The following LPP variants were observed in gnomAD, a reference collection of about 807,000 sequenced individuals.
LPP encodes lipoma-preferred partner.
LPP carries 38 observed loss-of-function variants against 60.4 expected under a neutral mutation model. The observed-to-expected ratio is 0.63, with a 90% confidence interval of 0.49 to 0.83. LPP has a LOEUF of 0.83. Ranked by LOEUF, LPP falls within the 40% of genes least tolerant of loss-of-function variation. LPP has a pLI of 0.00. For missense variants in LPP, 902 were observed against 783.6 expected (o/e 1.15, Z -1.80); for synonymous variants, 328 against 290.8 (o/e 1.13, Z -1.30).
At chr3:188,348,260 C>T (rs1318916310) in intron 3 of LPP, among the ~76,000 whole-genome samples, 2 of 152,138 alleles carry the variant, frequency 1.3e-5, no homozygotes, top group African/African-American at 4.8e-5. Flanking sequence ...GATTCTCCTG[C>T]TTCAGCCTCT....
intron 4 of LPP, among the ~76,000 whole-genome samples, chr3:188,481,611 CT>C (rs1804791846): frequency 6.6e-6 from 1 of 152,136 alleles, no homozygotes; most frequent in Non-Finnish European, 1.5e-5. Context: ...GACAGTTGTA[CT>C]TTTTAAGACT....
chr3:188,475,931 T>C (rs1321732932), intron 4 of LPP, among the ~76,000 whole-genome samples: 3 of 152,036 alleles, frequency 2.0e-5, no homozygotes, highest in Admixed American at 2.0e-4. Context: ...AAAAAAGATA[T>C]GAAAAACAAT....
chr3:188,746,664 A>C (rs573798616), intron 8 of LPP: 1 of 407,556 alleles, frequency 2.5e-6, no homozygotes, highest in East Asian at 5.5e-5. Context: ...GTGGACTTAC[A>C]TGGTTTCTGG....
chr3:188,686,694 T>C (rs145276261), intron 7 of LPP, among the ~76,000 whole-genome samples: 1 of 152,270 alleles, frequency 6.6e-6, no homozygotes, highest in South Asian at 2.1e-4. Context: ...CAGCCAAGAC[T>C]AAGAATCTAT....
intron 7 of LPP, among the ~76,000 whole-genome samples, chr3:188,672,207 T>C (rs1324960763): frequency 6.6e-6 from 1 of 152,208 alleles, no homozygotes; most frequent in Non-Finnish European, 1.5e-5. Flanking sequence ...GTTTATAATC[T>C]TTCTTGATAC....
At chr3:188,521,607 A>G (rs1166605460) in intron 5 of LPP, among the ~76,000 whole-genome samples, 1 of 152,222 alleles carries the variant, frequency 6.6e-6, no homozygotes, top group East Asian at 1.9e-4. Context: ...TATTATTCAT[A>G]TTAATTTATA....
At chr3:188,423,801 T>C (rs1644536367) in intron 4 of LPP, among the ~76,000 whole-genome samples, 2 of 150,986 alleles carry the variant, frequency 1.3e-5, no homozygotes, top group South Asian at 4.2e-4. Flanking sequence ...GATGGCATTG[T>C]TTGTTTTTTT....
intron 2 of LPP, among the ~76,000 whole-genome samples, chr3:188,299,694 T>C (rs1009849352): frequency 6.6e-6 from 1 of 152,178 alleles, no homozygotes; most frequent in African/African-American, 2.4e-5. Context: ...AATAGGATGT[T>C]GGACCTTGGG....
intron 6 of LPP, among the ~76,000 whole-genome samples, chr3:188,566,959 T>G (rs1832319597): frequency 6.6e-6 from 1 of 151,892 alleles, no homozygotes. Context: ...TGCAAATTGG[T>G]CTGATACAAA....
intron 5 of LPP, among the ~76,000 whole-genome samples, chr3:188,512,045 A>G (rs951341835): frequency 2.0e-5 from 3 of 152,216 alleles, no homozygotes; most frequent in Non-Finnish European, 4.4e-5. Flanking sequence ...TTCACTATAC[A>G]AACTACCTTA....
chr3:188,169,312 T>C (rs1720893486), intron 1 of LPP, among the ~76,000 whole-genome samples: 1 of 152,254 alleles, frequency 6.6e-6, no homozygotes, highest in African/African-American at 2.4e-5. Context: ...GGGTTTAGTT[T>C]ATCCGTGTAA....
At chr3:188,419,671 C>G (rs923009186) in intron 4 of LPP, among the ~76,000 whole-genome samples, 2 of 152,064 alleles carry the variant, frequency 1.3e-5, no homozygotes, top group Non-Finnish European at 2.9e-5. Flanking sequence ...GGGTGGATCA[C>G]CTGAGATCAG....
chr3:188,378,444 T>C (rs1210784643), intron 3 of LPP, among the ~76,000 whole-genome samples: 2 of 152,148 alleles, frequency 1.3e-5, no homozygotes, highest in Admixed American at 6.5e-5. Context: ...CACTGCCGCC[T>C]TGTTGTTTGA....
intron 6 of LPP, among the ~76,000 whole-genome samples, chr3:188,602,153 AATATATATATAATATATATATATTAT>A: frequency 7.9e-6 from 1 of 126,354 alleles, no homozygotes; most frequent in African/African-American, 2.8e-5. Flanking sequence ...ATATATATAT[AATATATATATAATATATATATATTAT>A]ATATATATAT....
Position 188,886,426 on chromosome 3 carries a change from G to A in LPP, c.*11947G>A, listed in dbSNP as rs1222474591. 2 of 186,412 alleles carry A rather than the reference G, an allele frequency of 1.1e-5. No individual in the cohort carries two copies. Among genetic ancestry groups the A allele is most frequent in the African/African-American group, 4.9e-5 (2 of 41,130 alleles). 11.5% of individuals were successfully genotyped at this position (186,412 alleles called of 1,614,324 possible). A position where few individuals can be genotyped will look rare whatever the true frequency, so the allele number is the denominator to read the frequency against. On this transcript the variant is annotated 3_prime_UTR_variant, in exon 12 of 12. Coordinates refer to ENST00000617246, the MANE Select transcript of LPP (RefSeq NM_001375462.1). ...AATAGACAGAGTATTCCCACCCCAG[G>A]AATGGATTAATAGAAGACACAATTT...
At chr3:188,361,610 A>G (rs1271279642) in intron 3 of LPP, among the ~76,000 whole-genome samples, 2 of 131,756 alleles carry the variant, frequency 1.5e-5, no homozygotes, top group Non-Finnish European at 3.0e-5. Context: ...TCTGTTGCTC[A>G]GGCTACAGTG....
chr3:188,780,106 A>G (rs1304066114), intron 9 of LPP, among the ~76,000 whole-genome samples: 2 of 152,148 alleles, frequency 1.3e-5, no homozygotes, highest in Non-Finnish European at 2.9e-5. Context: ...GCTTCCTGCC[A>G]CTTCTTGTTT....
At chr3:188,239,727 A>G (rs2149434135) in intron 2 of LPP, 1 of 217,744 alleles carries the variant, frequency 4.6e-6, no homozygotes, top group African/African-American at 2.2e-5. Context: ...CTGGAAATAA[A>G]CAAATAAACA....
In LPP at chr3:188,524,956, C is replaced by G. The variant is rs545718073; in HGVS notation, c.429+169C>G. Among the ~76,000 whole-genome samples, 16 of 138,812 alleles carry G rather than the reference C, an allele frequency of 1.2e-4. No homozygotes were observed. The South Asian group carries it at 3.8e-3, about 33-fold the overall frequency. The allele number at this position is 138,812 out of a possible 152,430, so 91.1% of individuals were successfully genotyped here. A position where few individuals can be genotyped will look rare whatever the true frequency, so the allele number is the denominator to read the frequency against. On this transcript the variant is annotated intron_variant, in intron 6 of 11. Transcript: ENST00000617246. ...CCTTCCTTCCTTCCTTCCTCTCTCT[C>G]TCTTCTTTCTTTCTCTTTTTTTTTT... is the stretch of plus-strand genomic sequence containing the variant.
Sources: allele counts gnomAD v4.1 joint callset (sites outside exome capture counted in the v4.1 genomes callset), GRCh38; gene constraint gnomAD v4.1.1; transcripts MANE v1.5; gene names NCBI Gene and HGNC (gene_info 2026-07-23, HGNC 2026-07-21).